Variants in SAMMSON observed in about 807,000 individuals in gnomAD.
SAMMSON encodes the protein long intergenic non-protein coding RNA 1212.
At chr3:70,009,976 T>A (rs1197643692) in intron 1 of SAMMSON, among the ~76,000 whole-genome samples, 1 of 150,302 alleles carries the variant, frequency 6.7e-6, no homozygotes, top group Non-Finnish European at 1.5e-5. Context: ...TCCTGAGTTC[T>A]AGTTTGATTG....
At chr3:70,201,104 A>C (rs1030822125) in intron 4 of SAMMSON, among the ~76,000 whole-genome samples, 5 of 151,872 alleles carry the variant, frequency 3.3e-5, no homozygotes, top group African/African-American at 1.2e-4. Flanking sequence ...TACATAGGTA[A>C]ACTTGTGTCA....
chr3:70,095,410 C>T (rs2067319644), intron 4 of SAMMSON, among the ~76,000 whole-genome samples: 1 of 152,150 alleles, frequency 6.6e-6, no homozygotes, highest in Admixed American at 6.6e-5. Context: ...TCCTTTATTT[C>T]CATGCTTGAT....
At chr3:70,403,828 A>G (rs1701159318) in intron 2 of SAMMSON, among the ~76,000 whole-genome samples, 1 of 152,204 alleles carries the variant, frequency 6.6e-6, no homozygotes, top group Non-Finnish European at 1.5e-5. Flanking sequence ...CATAATGTAT[A>G]CAGATAAGTA....
At chr3:70,058,283 A>C (rs2067175133) in intron 3 of SAMMSON, among the ~76,000 whole-genome samples, 1 of 151,880 alleles carries the variant, frequency 6.6e-6, no homozygotes, top group Non-Finnish European at 1.5e-5. Flanking sequence ...ATGGGCACTG[A>C]CCTCCTTAGC....
rs116562610 is a variant in SAMMSON, at chr3:70,304,810, C to T, written n.739+13567C>T. ...CCCGTGGCTTCTAATTCCAAATAGG[C>T]GAAAAAAATATCCAGATTCCCAACT... On this transcript the variant is annotated intron_variant and non_coding_transcript_variant, in intron 7 of 9. Coordinates refer to ENST00000642114, the Ensembl canonical transcript of SAMMSON. Among the ~76,000 whole-genome samples, 1,469 of 152,146 alleles carry T rather than the reference C, an allele frequency of 9.7e-3. 9 individuals are homozygous for T. Among genetic ancestry groups the T allele is most frequent in the Non-Finnish European group, 0.016 (1,114 of 68,000 alleles).
intron 4 of SAMMSON, among the ~76,000 whole-genome samples, chr3:70,131,365 C>T (rs941234391): frequency 6.6e-6 from 1 of 152,152 alleles, no homozygotes; most frequent in African/African-American, 2.4e-5. Context: ...AGGAAATTTG[C>T]TTAGAAGCAA....
chr3:70,266,949 G>C (rs1293677369), intron 6 of SAMMSON, among the ~76,000 whole-genome samples: 1 of 152,114 alleles, frequency 6.6e-6, no homozygotes, highest in Admixed American at 6.6e-5. Flanking sequence ...AAATTTGTTG[G>C]CTGAGGAGCC....
chr3:70,354,842 G>A (rs1702818090), intron 8 of SAMMSON, among the ~76,000 whole-genome samples: 1 of 152,114 alleles, frequency 6.6e-6, no homozygotes, highest in South Asian at 2.1e-4. Context: ...CATCAGACAT[G>A]CATTGTGGTC....
At chr3:70,294,679 T>C (rs1209012271) in intron 7 of SAMMSON, among the ~76,000 whole-genome samples, 2 of 152,168 alleles carry the variant, frequency 1.3e-5, no homozygotes, top group Non-Finnish European at 2.9e-5. Flanking sequence ...ATGACTCATA[T>C]ATCCATTTTA....
At chr3:70,195,991 A>G (rs960038905) in intron 4 of SAMMSON, among the ~76,000 whole-genome samples, 7 of 152,224 alleles carry the variant, frequency 4.6e-5, no homozygotes, top group African/African-American at 7.2e-5. Flanking sequence ...AGCACATGCT[A>G]TATTAAGAAG....
chr3:70,101,119 A>T (rs559898941), intron 4 of SAMMSON, among the ~76,000 whole-genome samples: 1 of 152,278 alleles, frequency 6.6e-6, no homozygotes, highest in South Asian at 2.1e-4. Context: ...TGGTGCAGTA[A>T]TGTGTAGATG....
intron 9 of SAMMSON, among the ~76,000 whole-genome samples, chr3:70,377,690 G>A (rs1204835629): frequency 6.6e-6 from 1 of 152,036 alleles, no homozygotes; most frequent in Non-Finnish European, 1.5e-5. Flanking sequence ...GAAGTCACAT[G>A]ACAAATGATA....
chr3:70,390,919 T>C (rs968042560), downstream of SAMMSON, among the ~76,000 whole-genome samples: 2 of 152,080 alleles, frequency 1.3e-5, no homozygotes, highest in Admixed American at 6.6e-5. Flanking sequence ...AAACAAAAAT[T>C]TGTAAGTGTT....
intron 4 of SAMMSON, among the ~76,000 whole-genome samples, chr3:70,102,785 G>T (rs1236880071): frequency 2.6e-5 from 4 of 152,134 alleles, no homozygotes; most frequent in African/African-American, 9.7e-5. Flanking sequence ...GGAGAGAATG[G>T]ACATAGAGAG....
Position 70,062,946 on chromosome 3 carries a change from A to T in SAMMSON, n.418-8530A>T, listed in dbSNP as rs201400468. On this transcript the variant is annotated intron_variant and non_coding_transcript_variant, in intron 3 of 9. Transcript: ENST00000642114. The stretch of plus-strand genomic sequence containing the variant: ...ATCTTCAGAAATACAGTATTCCAAA[A>T]ATTTACATCTTCCTTTATTTTTGAA... Among the ~76,000 whole-genome samples, 8 of 152,012 alleles carry T rather than the reference A, an allele frequency of 5.3e-5. No homozygotes were observed. In the East Asian group the frequency reaches 7.8e-4, roughly 15 times the overall value.
chr3:70,314,230 T>C (rs1213279983), intron 7 of SAMMSON, among the ~76,000 whole-genome samples: 2 of 152,192 alleles, frequency 1.3e-5, no homozygotes, highest in Non-Finnish European at 2.9e-5. Flanking sequence ...TGCATCTGTC[T>C]CAGTGTTTAA....
intron 3 of SAMMSON, among the ~76,000 whole-genome samples, chr3:70,053,322 A>C (rs1478757025): frequency 6.6e-6 from 1 of 152,132 alleles, no homozygotes; most frequent in Non-Finnish European, 1.5e-5. Flanking sequence ...TTTTCCATGC[A>C]TTACATGTAG....
At chr3:70,216,645 G>A (rs1701415003) in intron 4 of SAMMSON, among the ~76,000 whole-genome samples, 1 of 152,052 alleles carries the variant, frequency 6.6e-6, no homozygotes, top group African/African-American at 2.4e-5. Flanking sequence ...AGATGTTACC[G>A]TTGTATAGTA....
At chr3:70,042,974 G>A (rs1359699081) in intron 3 of SAMMSON, among the ~76,000 whole-genome samples, 1 of 152,058 alleles carries the variant, frequency 6.6e-6, no homozygotes, top group Non-Finnish European at 1.5e-5. Context: ...TAGCATTTAG[G>A]AGTAACAAGA....
Sources: gnomAD v4.1 joint callset for allele counts (sites outside exome capture counted in the v4.1 genomes callset) on GRCh38, gnomAD v4.1.1 for gene constraint, MANE v1.5 for transcripts, NCBI Gene and HGNC (gene_info 2026-07-23, HGNC 2026-07-21) for gene names.